The following EPHA3 variants were observed in gnomAD, a reference collection of about 807,000 sequenced individuals.
EPHA3 encodes ephrin type-A receptor 3.
Under a neutral mutation model 107.1 loss-of-function variants are expected in EPHA3, and 42 were observed. The ratio of observed to expected loss-of-function variants is 0.39; its 90% CI spans 0.31 to 0.51. The LOEUF is 0.51. Ranked by LOEUF, EPHA3 falls within the 20% of genes least tolerant of loss-of-function variation. The pLI, the probability that EPHA3 is intolerant of heterozygous loss-of-function variation, is 0.78. For missense variants in EPHA3, 1,183 were observed against 1,211.2 expected (o/e 0.98, Z 0.35); for synonymous variants, 461 against 424.8 (o/e 1.09, Z -1.05).
intron 3 of EPHA3, among the ~76,000 whole-genome samples, chr3:89,245,128 G>A (rs1705002412): frequency 6.6e-6 from 1 of 152,168 alleles, no homozygotes; most frequent in Admixed American, 6.5e-5. Context: ...AAATAGCACA[G>A]ATCATGCCTA....
intron 5 of EPHA3, among the ~76,000 whole-genome samples, chr3:89,364,330 G>A (rs533419893): frequency 6.6e-6 from 1 of 150,954 alleles, no homozygotes; most frequent in Non-Finnish European, 1.5e-5. Context: ...CAGAACACCA[G>A]TATTTACCTA....
chr3:89,218,252 T>A (rs889038884), intron 3 of EPHA3, among the ~76,000 whole-genome samples: 7 of 151,408 alleles, frequency 4.6e-5, no homozygotes, highest in African/African-American at 1.5e-4. Context: ...ATCTCCTCAT[T>A]TGGCATTAGG....
At chr3:89,123,639 G>A (rs1704017421) in intron 1 of EPHA3, among the ~76,000 whole-genome samples, 1 of 152,136 alleles carries the variant, frequency 6.6e-6, no homozygotes, top group African/African-American at 2.4e-5. Context: ...AGCAATTAGA[G>A]GCAGTAAAAC....
intron 3 of EPHA3, among the ~76,000 whole-genome samples, chr3:89,230,157 A>C (rs879433813): frequency 2.6e-5 from 4 of 152,068 alleles, no homozygotes; most frequent in Non-Finnish European, 5.9e-5. Flanking sequence ...TAAACTCACC[A>C]AGGTCATTCC....
intron 2 of EPHA3, among the ~76,000 whole-genome samples, chr3:89,133,489 C>T (rs1445822374): frequency 6.6e-6 from 1 of 152,096 alleles, no homozygotes; most frequent in Non-Finnish European, 1.5e-5. Context: ...CGGGATTCGA[C>T]GAACTCTTGG....
At chr3:89,470,968 C>T (rs1319364637) in intron 15 of EPHA3, among the ~76,000 whole-genome samples, 3 of 152,090 alleles carry the variant, frequency 2.0e-5, no homozygotes, top group Non-Finnish European at 2.9e-5. Flanking sequence ...TGCACATGAA[C>T]GTTTGATATA....
chr3:89,466,788 TTATGCGTC>T (rs1710285779), intron 15 of EPHA3, among the ~76,000 whole-genome samples: 1 of 138,076 alleles, frequency 7.2e-6, no homozygotes, highest in African/African-American at 2.7e-5. Context: ...AATCACCGTC[TTATGCGTC>T]GCTCACGCTG....
intron 3 of EPHA3, among the ~76,000 whole-genome samples, chr3:89,285,516 G>A (rs1336666741): frequency 6.6e-6 from 1 of 152,100 alleles, no homozygotes; most frequent in African/African-American, 2.4e-5. Flanking sequence ...TAGGGTTTGG[G>A]GATGCAATTT....
chr3:89,226,821 A>G (rs571839624), intron 3 of EPHA3, among the ~76,000 whole-genome samples: 65 of 152,210 alleles, frequency 4.3e-4, no homozygotes, highest in Admixed American at 7.2e-4. Context: ...ATAATTAGCT[A>G]CTTTGCAAAT....
At chr3:89,290,980 G>T (rs1421601597) in intron 3 of EPHA3, among the ~76,000 whole-genome samples, 1 of 152,140 alleles carries the variant, frequency 6.6e-6, no homozygotes, top group Non-Finnish European at 1.5e-5. Context: ...GTGACAGATA[G>T]CTCGGTTTCT....
At chr3:89,326,242 T>A (rs1707164157) in intron 3 of EPHA3, among the ~76,000 whole-genome samples, 2 of 152,140 alleles carry the variant, frequency 1.3e-5, no homozygotes, top group Non-Finnish European at 2.9e-5. Flanking sequence ...GTGTTGTATT[T>A]GCAAATAGCC....
intron 12 of EPHA3, 33 bp from the exon 13 acceptor site, chr3:89,431,117 G>A (rs1243609515): frequency 5.0e-6 from 8 of 1,589,638 alleles, no homozygotes; most frequent in Admixed American, 3.4e-5. Flanking sequence ...AAATAGGAAC[G>A]TATCTTAATT....
intron 15 of EPHA3, among the ~76,000 whole-genome samples, chr3:89,460,189 A>T (rs1316757404): frequency 6.6e-6 from 1 of 152,146 alleles, no homozygotes; most frequent in Non-Finnish European, 1.5e-5. Context: ...GTGTAAAATG[A>T]AATAGAGAAA....
At chr3:89,335,475 G>T (rs1047938361) in intron 3 of EPHA3, among the ~76,000 whole-genome samples, 4 of 152,124 alleles carry the variant, frequency 2.6e-5, no homozygotes, top group African/African-American at 9.7e-5. Flanking sequence ...CATAGCAAGT[G>T]TCTAGGTCAT....
intron 3 of EPHA3, among the ~76,000 whole-genome samples, chr3:89,224,969 G>A (rs553580525): frequency 7.1e-4 from 108 of 152,194 alleles, no homozygotes; most frequent in African/African-American, 2.4e-3. Flanking sequence ...GCTGTGATTA[G>A]TGAGATTAGC....
chr3:89,186,640 T>G (rs937242664), intron 2 of EPHA3, among the ~76,000 whole-genome samples: 15 of 152,114 alleles, frequency 9.9e-5, no homozygotes, highest in African/African-American at 3.6e-4. Context: ...TGTATATAAA[T>G]AAGACATTTG....
At chr3:89,429,967 T>A (rs1709534922) in intron 12 of EPHA3, among the ~76,000 whole-genome samples, 1 of 152,168 alleles carries the variant, frequency 6.6e-6, no homozygotes, top group Non-Finnish European at 1.5e-5. Context: ...TTTCACCATG[T>A]TGGCCAGGCT....
At chr3:89,276,189 C>T (rs1185882903) in intron 3 of EPHA3, among the ~76,000 whole-genome samples, 2 of 152,056 alleles carry the variant, frequency 1.3e-5, no homozygotes, top group African/African-American at 4.8e-5. Context: ...ACTCTGATTG[C>T]TTTATCAATG....
intron 13 of EPHA3, among the ~76,000 whole-genome samples, chr3:89,447,210 A>C (rs963313770): frequency 2.6e-5 from 4 of 152,192 alleles, no homozygotes; most frequent in African/African-American, 7.2e-5. Context: ...TTCCGAGGCT[A>C]TCTTTTCTCT....
Sources: allele counts gnomAD v4.1 joint callset (sites outside exome capture counted in the v4.1 genomes callset), GRCh38; gene constraint gnomAD v4.1.1; transcripts MANE v1.5; gene names NCBI Gene and HGNC (gene_info 2026-07-23, HGNC 2026-07-21).